Variants in PKN2 observed in about 807,000 individuals in gnomAD.
PKN2 encodes the protein serine/threonine-protein kinase N2.
A neutral mutation model predicts 119.1 loss-of-function variants in PKN2; 38 were observed. That is an observed-to-expected ratio of 0.32 (90% CI 0.25 to 0.42). The LOEUF (loss-of-function observed/expected upper bound fraction) is 0.42, where lower values mean the gene tolerates loss of function less well. PKN2 is among the 10% of genes least tolerant of loss of function. The pLI, the probability that PKN2 is intolerant of heterozygous loss-of-function variation, is 1.00. For synonymous variants in PKN2, 390 were observed against 384.9 expected (o/e 1.01, Z -0.15); for missense variants, 850 against 1,165.1 (o/e 0.73, Z 3.94).
chr1:88,735,309 C>T (rs901675806), intron 1 of PKN2, among the ~76,000 whole-genome samples: 1 of 152,038 alleles, frequency 6.6e-6, no homozygotes, highest in Admixed American at 6.6e-5. Flanking sequence ...CAGCCACACG[C>T]CACCACACCC....
intron 1 of PKN2, among the ~76,000 whole-genome samples, chr1:88,724,780 G>A (rs1667829731): frequency 6.6e-6 from 1 of 151,436 alleles, no homozygotes; most frequent in Non-Finnish European, 1.5e-5. Context: ...CACCATGTTG[G>A]CCAGGTGGGT....
At chr1:88,765,282 C>CAA (rs60307008) in intron 3 of PKN2, among the ~76,000 whole-genome samples, 65,178 of 127,786 alleles carry the variant, frequency 0.51, 15,973 homozygotes, top group Middle Eastern at 0.71. Flanking sequence ...GACTTCATCT[C>CAA]AAAAAAAAAA....
At chr1:88,703,035 A>C (rs1666834144) in intron 1 of PKN2, among the ~76,000 whole-genome samples, 1 of 152,178 alleles carries the variant, frequency 6.6e-6, no homozygotes, top group African/African-American at 2.4e-5. Flanking sequence ...TATTATATAA[A>C]AGTAGCAGTA....
chr1:88,804,623 C>A, intron 9 of PKN2, 89 bp downstream of exon 9: 2 of 1,301,546 alleles, frequency 1.5e-6, no homozygotes, highest in Admixed American at 1.9e-5. Flanking sequence ...GAGTGTTAGG[C>A]TGAAAGACAG....
rs1672920194 is a variant in PKN2, at chr1:88,835,766, A to G, written c.*2318A>G. 1 of 152,566 alleles carries G rather than the reference A, an allele frequency of 6.6e-6. No homozygotes were observed. Among genetic ancestry groups the G allele is most frequent in the African/African-American group, 2.4e-5 (1 of 41,458 alleles). 9.5% of individuals were successfully genotyped at this position (152,566 alleles called of 1,614,324 possible). A position where few individuals can be genotyped will look rare whatever the true frequency, so the allele number is the denominator to read the frequency against. On this transcript the variant is annotated 3_prime_UTR_variant, in exon 22 of 22. Transcript: ENST00000370521. ...GTTTTTTGCAGTCATAAATTATCAC[A>G]AATGCACAAATTAAAGTCTATATAG...
chr1:88,796,150 AGAT>A (rs1339770628), intron 8 of PKN2, among the ~76,000 whole-genome samples: 1 of 152,242 alleles, frequency 6.6e-6, no homozygotes, highest in African/African-American at 2.4e-5. Context: ...GAAGTATTTT[AGAT>A]TCCAAATTTT....
chr1:88,811,181 A>G lies in PKN2; in HGVS notation c.2103-2376A>G, dbSNP rs565748851. Among the ~76,000 whole-genome samples, 76 of 152,272 alleles carry G rather than the reference A, an allele frequency of 5.0e-4. 1 individual carries two copies. The South Asian group carries it at 0.01, about 21-fold the overall frequency. On this transcript the variant is annotated intron_variant, in intron 15 of 21. Transcript: ENST00000370521. ...AGGATATTATGTTTATGTTACTGCA[A>G]TGCCTCCTCACTCAGCTTCCTTTTC...
chr1:88,762,199 G>T (rs1236449448), intron 3 of PKN2, among the ~76,000 whole-genome samples: 2 of 152,182 alleles, frequency 1.3e-5, no homozygotes, highest in African/African-American at 4.8e-5. Flanking sequence ...GTTGAACAGA[G>T]TTATGGACAT....
chr1:88,724,882 G>GTTTTTTTTTTTTTTTTTTTTTTTTTTTTT (rs60507382), intron 1 of PKN2, among the ~76,000 whole-genome samples: 1 of 106,012 alleles, frequency 9.4e-6, no homozygotes, highest in African/African-American at 4.3e-5. Context: ...CCACCCCTTG[G>GTTTTTTTTTTTTTTTTTTTTTTTTTTTTT]TTTTTTTTTT....
intron 8 of PKN2, among the ~76,000 whole-genome samples, chr1:88,792,436 T>A (rs554527656): frequency 6.6e-6 from 1 of 151,486 alleles, no homozygotes; most frequent in African/African-American, 2.4e-5. Flanking sequence ...AAATAACATG[T>A]CATGTATTCC....
intron 1 of PKN2, among the ~76,000 whole-genome samples, chr1:88,723,197 T>C: frequency 6.6e-6 from 1 of 151,692 alleles, no homozygotes; most frequent in Non-Finnish European, 1.5e-5. Flanking sequence ...CACTGCAGCC[T>C]CCACCTCCCG....
chr1:88,824,463 C>A, intron 18 of PKN2, 77 bp downstream of exon 18: 1 of 821,374 alleles, frequency 1.2e-6, no homozygotes, highest in Non-Finnish European at 2.1e-6. Context: ...TCAAGTTTGT[C>A]TATGGAAAAC....
In PKN2 at chr1:88,758,561, CTGT is replaced by C. The variant is rs555622865; in HGVS notation, c.350-1656_350-1654del. Among the ~76,000 whole-genome samples, 7 of 152,222 alleles carry C rather than the reference CTGT, an allele frequency of 4.6e-5. No homozygotes were observed. In the East Asian group the frequency reaches 1.2e-3, roughly 25 times the overall value. Reference sequence around the variant, plus strand: ...CCACACTCCAATAGGCCCCCAGTGACTGTTGTTCTCCTCTATGTGTCCATGTGT... The same window carrying C: ...CCACACTCCAATAGGCCCCCAGTGACTGTTCTCCTCTATGTGTCCATGTGT... On this transcript the variant is annotated intron_variant, in intron 2 of 21. Transcript: ENST00000370521.
At chr1:88,700,634 A>G (rs997761533) in intron 1 of PKN2, among the ~76,000 whole-genome samples, 7 of 152,164 alleles carry the variant, frequency 4.6e-5, no homozygotes, top group Non-Finnish European at 8.8e-5. Context: ...GGCTGTCCAT[A>G]CTTTGTTGAA....
intron 1 of PKN2, among the ~76,000 whole-genome samples, chr1:88,709,625 A>T (rs1667143493): frequency 6.6e-6 from 1 of 152,252 alleles, no homozygotes. Context: ...CATATAGATC[A>T]TTCTAAAAAT....
chr1:88,725,778 T>C (rs1667873673), intron 1 of PKN2, among the ~76,000 whole-genome samples: 1 of 152,228 alleles, frequency 6.6e-6, no homozygotes, highest in Admixed American at 6.5e-5. Flanking sequence ...ATCATGCTAT[T>C]GGTGTCCTAC....
At chr1:88,699,028 G>GT (rs1293116940) in intron 1 of PKN2, among the ~76,000 whole-genome samples, 6 of 152,086 alleles carry the variant, frequency 3.9e-5, no homozygotes, top group African/African-American at 1.4e-4. Context: ...GCATTGTATT[G>GT]TTTTTACATT....
chr1:88,799,674 T>C (rs1671229491), intron 8 of PKN2, among the ~76,000 whole-genome samples: 1 of 152,208 alleles, frequency 6.6e-6, no homozygotes, highest in African/African-American at 2.4e-5. Flanking sequence ...GGGTAGTTCC[T>C]TTTTTAAGAT....
At chr1:88,766,450 AAAAT>A (rs1271677525) in intron 3 of PKN2, among the ~76,000 whole-genome samples, 2 of 152,196 alleles carry the variant, frequency 1.3e-5, no homozygotes, top group African/African-American at 4.8e-5. Flanking sequence ...ATTTTTTTGT[AAAAT>A]AAAAAACATA....
Sources: allele counts gnomAD v4.1 joint callset (sites outside exome capture counted in the v4.1 genomes callset), GRCh38; gene constraint gnomAD v4.1.1; transcripts MANE v1.5; gene names NCBI Gene and HGNC (gene_info 2026-07-23, HGNC 2026-07-21).